The following STOX2 variants were observed in gnomAD, a reference collection of about 807,000 sequenced individuals.
STOX2 encodes storkhead box 2, also known as storkhead-box protein 2.
In STOX2, 28 loss-of-function variants were observed where a neutral mutation model predicts 60.9. The observed-to-expected ratio is 0.46, with a 90% confidence interval of 0.34 to 0.63. STOX2 has a LOEUF of 0.63. STOX2 is among the 30% of genes least tolerant of loss of function. The probability of loss-of-function intolerance (pLI) is 0.01; values close to 1 mark genes in which losing one functional copy is unlikely to be tolerated. For missense variants in STOX2, 1,024 were observed against 1,187.7 expected (o/e 0.86, Z 2.03); for synonymous variants, 472 against 463.9 (o/e 1.02, Z -0.22).
intron 1 of STOX2, among the ~76,000 whole-genome samples, chr4:183,956,204 C>T (rs1743242316): frequency 6.6e-6 from 1 of 152,164 alleles, no homozygotes. Context: ...TTACACCTCG[C>T]CGTTAACAAT....
intron 1 of STOX2, among the ~76,000 whole-genome samples, chr4:183,990,284 G>A (rs1213909534): frequency 2.0e-5 from 3 of 152,136 alleles, no homozygotes; most frequent in South Asian, 2.1e-4. Context: ...CACCCCAACA[G>A]GAGGTCATTT....
intron 1 of STOX2, among the ~76,000 whole-genome samples, chr4:183,971,868 T>C (rs1210914419): frequency 6.6e-6 from 1 of 152,136 alleles, no homozygotes; most frequent in Non-Finnish European, 1.5e-5. Context: ...GCTGAGACCA[T>C]GGGCAGAATG....
intron 1 of STOX2, among the ~76,000 whole-genome samples, chr4:183,815,930 A>G (rs1374334369): frequency 6.6e-6 from 1 of 152,238 alleles, no homozygotes; most frequent in Non-Finnish European, 1.5e-5. Flanking sequence ...TATTGATACT[A>G]TTGACATGAA....
chr4:183,969,875 A>G lies in STOX2; in HGVS notation c.167-31450A>G, dbSNP rs568436331. Among the ~76,000 whole-genome samples the G allele has an allele frequency of 1.1e-4, 17 of 152,202 alleles. 1 individual carries two copies. In the South Asian group the frequency reaches 2.5e-3, roughly 22 times the overall value. Reference sequence around the variant, plus strand: ...GGACTCAAGAGATCCTCTCACCTCAATCTCCCAAAGTGCTGAGATTCCAGG... The same window carrying G: ...GGACTCAAGAGATCCTCTCACCTCAGTCTCCCAAAGTGCTGAGATTCCAGG... On this transcript the variant is annotated intron_variant, in intron 1 of 3. Transcript: ENST00000308497.
At chr4:183,814,410 T>A (rs754061477) in intron 1 of STOX2, among the ~76,000 whole-genome samples, 2 of 152,352 alleles carry the variant, frequency 1.3e-5, no homozygotes, top group African/African-American at 2.4e-5. Context: ...ATTTTCTCAC[T>A]TAATTTTTAT....
intron 1 of STOX2, among the ~76,000 whole-genome samples, chr4:183,909,748 G>C (rs950239346): frequency 2.2e-5 from 3 of 133,738 alleles, no homozygotes; most frequent in Non-Finnish European, 4.9e-5. Context: ...AAAATTGTAG[G>C]CTTCTATAAT....
intron 1 of STOX2, among the ~76,000 whole-genome samples, chr4:183,857,521 G>A (rs751533058): frequency 1.3e-5 from 2 of 152,148 alleles, no homozygotes; most frequent in Non-Finnish European, 2.9e-5. Context: ...GGTCATCTCC[G>A]AATTTGAGGT....
rs187576369 is a variant in STOX2 at position 183,837,331 on chromosome 4, G to A, written c.364+39276G>A. Reference sequence around the variant, plus strand: ...ATTAAATAAGAACTCCCATCCCCTGGCACCCTTTATTCTACTTGCTGCCTT... The same window carrying A: ...ATTAAATAAGAACTCCCATCCCCTGACACCCTTTATTCTACTTGCTGCCTT... On this transcript the variant is annotated intron_variant, in intron 1 of 2. Transcript: ENST00000513034. 1.1e-3 allele frequency among the ~76,000 whole-genome samples: 174 copies of A among 151,932 alleles called. 3 individuals are homozygous for A. The highest frequency in any genetic ancestry group is 7.4e-4 in the Non-Finnish European group (50 of 67,966).
chr4:183,837,485 GTC>G (rs1242094679), intron 1 of STOX2, among the ~76,000 whole-genome samples: 1 of 151,168 alleles, frequency 6.6e-6, no homozygotes, highest in Non-Finnish European at 1.5e-5. Flanking sequence ...TTGAGATAGA[GTC>G]TCTCTCTGTC....
rs542760566 is a variant in STOX2 at position 183,939,924 on chromosome 4, A to G, written c.166+32968A>G. Among the ~76,000 whole-genome samples the G allele has an allele frequency of 3.9e-5, 6 of 151,956 alleles. No homozygotes were observed. The East Asian group carries it at 9.7e-4, about 25-fold the overall frequency. ...TTTAAAGATAGCATTTTTTTCTTTT[A>G]ATGGAATCTCGCTCTGTCGCTCAGG... On this transcript the variant is annotated intron_variant, in intron 1 of 3. Transcript: ENST00000308497.
In STOX2 at chr4:184,021,192, G is replaced by A. The variant is rs1734573805; in HGVS notation, c.*3908G>A. ...GCACGATTCACTTTGGGATCTCAAA[G>A]TGCTTCCAAAGCATTCAGATTTACA... On this transcript the variant is annotated 3_prime_UTR_variant, in exon 4 of 4. Coordinates refer to ENST00000308497, the MANE Select transcript of STOX2 (RefSeq NM_020225.3). 6.6e-6 allele frequency: 1 copy of A among 152,216 alleles called. No homozygotes were observed. The highest frequency in any genetic ancestry group is 6.5e-5 in the Admixed American group (1 of 15,280). The allele number at this position is 152,216 out of a possible 1,614,324, so 9.4% of individuals were successfully genotyped here. A position where few individuals can be genotyped will look rare whatever the true frequency, so the allele number is the denominator to read the frequency against.
chr4:183,993,217 T>C (rs1188619517), intron 1 of STOX2, among the ~76,000 whole-genome samples: 1 of 152,220 alleles, frequency 6.6e-6, no homozygotes, highest in Admixed American at 6.5e-5. Flanking sequence ...TGTAGTCAAA[T>C]CTCAGTAACA....
intron 1 of STOX2, among the ~76,000 whole-genome samples, chr4:183,848,673 G>A (rs1168395917): frequency 6.6e-6 from 1 of 152,188 alleles, no homozygotes; most frequent in African/African-American, 2.4e-5. Flanking sequence ...TAGTTGGAAG[G>A]GTAGCAGGTA....
At chr4:183,823,720 G>A (rs4078181) in intron 1 of STOX2, among the ~76,000 whole-genome samples, 3 of 152,214 alleles carry the variant, frequency 2.0e-5, no homozygotes, top group African/African-American at 4.8e-5. Context: ...CCCATCTGGC[G>A]GAGGCTGCCG....
chr4:183,985,254 TTTTTA>T (rs1241628415), intron 1 of STOX2, among the ~76,000 whole-genome samples: 9 of 152,178 alleles, frequency 5.9e-5, no homozygotes, highest in African/African-American at 2.2e-4. Context: ...TACAGTGGCT[TTTTTA>T]TTTTAATTAT....
At position 183,817,372 on chromosome 4, in the gene STOX2, G is replaced by A. The variant is rs114889942; in HGVS notation, c.364+19317G>A. 6.0e-3 allele frequency among the ~76,000 whole-genome samples: 910 copies of A among 152,300 alleles called. 7 individuals are homozygous for A. Among genetic ancestry groups the A allele is most frequent in the African/African-American group, 0.021 (857 of 41,576 alleles). On this transcript the variant is annotated intron_variant, in intron 1 of 2. Transcript: ENST00000513034. ...CAACCCTTTGCATGCTGGCTGCAGG[G>A]TCCGTCCTTTGCTGGCGATCAGTGG...
At position 184,010,411 on chromosome 4, in the gene STOX2, C is replaced by A; in HGVS notation, c.1573C>A (p.Gln525Lys). ...CAGCCAAGACGACCAGACCCCCAGC[C>A]AATCCTACATTGACGACAGTACTTT... The part of the protein sequence containing the change: ...GCSQDDQTPS[Q>K]SYIDDSTLRP... The change falls in exon 3 of 4, where the codon CAA becomes AAA. Residue 525 changes from glutamine to lysine, a missense_variant. Around this residue, in one of 3 missense-constraint regions of STOX2, gnomAD observed 922 missense variants for 1,058.3 expected, o/e 0.87. Coordinates refer to ENST00000308497, the MANE Select transcript of STOX2 (RefSeq NM_020225.3). The surrounding 1 kb of genome is among the most constrained non-coding windows in gnomAD (Gnocchi z 4.5). 1 of 1,613,830 alleles carries A rather than the reference C, an allele frequency of 6.2e-7. No homozygotes were observed. The highest frequency in any genetic ancestry group is 8.5e-7 in the Non-Finnish European group (1 of 1,179,832).
At chr4:183,996,400 G>A (rs576214037) in intron 1 of STOX2, among the ~76,000 whole-genome samples, 3 of 152,212 alleles carry the variant, frequency 2.0e-5, no homozygotes, top group Non-Finnish European at 4.4e-5. Context: ...ATAAATTATA[G>A]ACAAGTAAAT....
intron 1 of STOX2, among the ~76,000 whole-genome samples, chr4:183,957,092 A>T (rs1387463505): frequency 6.6e-6 from 1 of 150,736 alleles, no homozygotes. Flanking sequence ...AACATGGCAC[A>T]TGTATACATA....
Sources: gnomAD v4.1 joint callset for allele counts (sites outside exome capture counted in the v4.1 genomes callset) on GRCh38, gnomAD v4.1.1 for gene constraint, gnomAD v4.1.1 regional missense constraint, Gnocchi (gnomAD v3.1) non-coding constraint, MANE v1.5 for transcripts, NCBI Gene and HGNC (gene_info 2026-07-23, HGNC 2026-07-21) for gene names.